Variants in COBL observed in about 807,000 individuals in gnomAD.
COBL encodes protein cordon-bleu.
Under a neutral mutation model 98.8 loss-of-function variants are expected in COBL, and 51 were observed. That is an observed-to-expected ratio of 0.52 (90% CI 0.41 to 0.65). The LOEUF is 0.65. Among genes scored for constraint, COBL ranks in the 30% least tolerant of loss-of-function variants. The pLI is 0.00. For synonymous variants in COBL, 634 were observed against 651.7 expected (o/e 0.97, Z 0.41); for missense variants, 1,617 against 1,617.5 (o/e 1.00, Z 0.01).
chr7:51,228,308 T>G (rs983246116), intron 1 of COBL, among the ~76,000 whole-genome samples: 4 of 152,048 alleles, frequency 2.6e-5, no homozygotes, highest in Non-Finnish European at 5.9e-5. Context: ...CTGTAAAGTT[T>G]CTGGTATGGC....
At chr7:51,144,725 G>A (rs1784863950) in intron 5 of COBL, among the ~76,000 whole-genome samples, 1 of 152,018 alleles carries the variant, frequency 6.6e-6, no homozygotes, top group African/African-American at 2.4e-5. Context: ...CCCAGTCCTG[G>A]ACAAACCCCA....
chr7:51,052,458 T>G (rs1790337291), intron 7 of COBL, among the ~76,000 whole-genome samples: 2 of 152,252 alleles, frequency 1.3e-5, no homozygotes, highest in African/African-American at 2.4e-5. Context: ...TTGAAACCAT[T>G]TCTTGAGGCA....
At chr7:51,247,028 G>C (rs1375173343) in intron 1 of COBL, among the ~76,000 whole-genome samples, 1 of 152,184 alleles carries the variant, frequency 6.6e-6, no homozygotes, top group Non-Finnish European at 1.5e-5. Flanking sequence ...GTGCGGGCCT[G>C]CAGGACTCAG....
At chr7:51,206,572 G>A (rs534873026) in intron 2 of COBL, among the ~76,000 whole-genome samples, 4 of 151,886 alleles carry the variant, frequency 2.6e-5, no homozygotes, top group South Asian at 2.1e-4. Flanking sequence ...AGCGCTATTC[G>A]CAGTATCTAT....
chr7:51,308,230 A>C lies in COBL; in HGVS notation c.41+8363T>G, dbSNP rs1223172880. 2.0e-5 allele frequency among the ~76,000 whole-genome samples: 3 copies of C among 152,358 alleles called. No individual in the cohort carries two copies. In the East Asian group the frequency reaches 5.8e-4, roughly 29 times the overall value. ...CAACCAAACTGTATTTAGAGACTAAAAAATTAGCCACATGAACAAAAGTAT... is the reference window on the plus strand; with the variant it reads ...CAACCAAACTGTATTTAGAGACTAACAAATTAGCCACATGAACAAAAGTAT... On this transcript the variant is annotated intron_variant, in intron 1 of 12. Coordinates refer to ENST00000265136, the MANE Select transcript of COBL (RefSeq NM_015198.5).
At chr7:51,082,429 T>C (rs1793751454) in intron 7 of COBL, among the ~76,000 whole-genome samples, 1 of 152,164 alleles carries the variant, frequency 6.6e-6, no homozygotes, top group African/African-American at 2.4e-5. Flanking sequence ...TATCTCTACT[T>C]ACTAAAGTCC....
intron 2 of COBL, among the ~76,000 whole-genome samples, chr7:51,194,935 A>G (rs1260770561): frequency 6.6e-6 from 1 of 151,998 alleles, no homozygotes; most frequent in Non-Finnish European, 1.5e-5. Flanking sequence ...TCAGATGCAT[A>G]GTTGGAAAAC....
chr7:51,068,679 C>G (rs1349683061), intron 7 of COBL, among the ~76,000 whole-genome samples: 1 of 152,090 alleles, frequency 6.6e-6, no homozygotes, highest in Non-Finnish European at 1.5e-5. Flanking sequence ...AGAGTCGAAA[C>G]TGATTATATT....
intron 7 of COBL, among the ~76,000 whole-genome samples, chr7:51,079,111 G>A (rs1008697921): frequency 2.6e-5 from 4 of 152,182 alleles, no homozygotes; most frequent in African/African-American, 9.7e-5. Context: ...GAACACAGGA[G>A]GTGGGGATCA....
chr7:51,172,406 A>T, intron 5 of COBL: 10 of 1,168,210 alleles, frequency 8.6e-6, no homozygotes, highest in Non-Finnish European at 1.1e-5. Flanking sequence ...GCGCAAAGCA[A>T]GAAGTTCCAA....
At chr7:51,093,252 C>T (rs1794977670) in intron 6 of COBL, among the ~76,000 whole-genome samples, 3 of 152,158 alleles carry the variant, frequency 2.0e-5, no homozygotes, top group Middle Eastern at 3.4e-3. Context: ...AAGAGAGATA[C>T]GAATGACCAA....
At chr7:51,223,224 C>T (rs1328848436) in intron 1 of COBL, among the ~76,000 whole-genome samples, 1 of 152,240 alleles carries the variant, frequency 6.6e-6, no homozygotes, top group Non-Finnish European at 1.5e-5. Context: ...GTTTGTTTGC[C>T]CAGCAGAGTG....
intron 1 of COBL, among the ~76,000 whole-genome samples, chr7:51,223,137 G>A (rs987479336): frequency 3.3e-5 from 5 of 152,364 alleles, no homozygotes; most frequent in African/African-American, 9.6e-5. Context: ...CTCGGGGCAC[G>A]CACTGCTTAC....
chr7:51,312,554 T>G (rs1353288893), intron 1 of COBL, among the ~76,000 whole-genome samples: 1 of 152,154 alleles, frequency 6.6e-6, no homozygotes, highest in Non-Finnish European at 1.5e-5. Flanking sequence ...CCTAGAAACC[T>G]AAACTACTTA....
intron 1 of COBL, among the ~76,000 whole-genome samples, chr7:51,224,935 C>T (rs1794036093): frequency 6.7e-6 from 1 of 149,940 alleles, no homozygotes; most frequent in African/African-American, 2.5e-5. Flanking sequence ...TGCGTGTGGG[C>T]GGCCCGTGCA....
chr7:51,074,387 G>T (rs1020330930), intron 7 of COBL, among the ~76,000 whole-genome samples: 3 of 151,718 alleles, frequency 2.0e-5, no homozygotes, highest in African/African-American at 7.3e-5. Flanking sequence ...GTAGAGATGG[G>T]GTTTCACTAT....
intron 7 of COBL, among the ~76,000 whole-genome samples, chr7:51,078,795 T>C (rs566322590): frequency 2.6e-5 from 4 of 152,328 alleles, no homozygotes; most frequent in African/African-American, 7.2e-5. Flanking sequence ...CAAGTGGCTG[T>C]TGGCAGGTTT....
chr7:51,024,336 A>T (rs1787281712), intron 12 of COBL, among the ~76,000 whole-genome samples: 1 of 150,790 alleles, frequency 6.6e-6, no homozygotes, highest in Admixed American at 6.6e-5. Context: ...AATAAATAAA[A>T]TAATAAAATA....
rs193129663 is a variant in COBL at position 51,314,342 on chromosome 7, G to C, written c.41+2251C>G. Among the ~76,000 whole-genome samples, 6 of 152,330 alleles carry C rather than the reference G, an allele frequency of 3.9e-5. No individual in the cohort carries two copies. The East Asian group carries it at 9.7e-4, about 25-fold the overall frequency. Reference sequence around the variant, plus strand: ...TGAAAGTTTGATTTTATAATAAACGGTTGCAGAATCAGATGGAAAACAAAT... The same window carrying C: ...TGAAAGTTTGATTTTATAATAAACGCTTGCAGAATCAGATGGAAAACAAAT... On this transcript the variant is annotated intron_variant, in intron 1 of 12. Transcript: ENST00000265136.
Sources: gnomAD v4.1 joint callset for allele counts (sites outside exome capture counted in the v4.1 genomes callset) on GRCh38, gnomAD v4.1.1 for gene constraint, MANE v1.5 for transcripts, NCBI Gene and HGNC (gene_info 2026-07-23, HGNC 2026-07-21) for gene names.